Variants in PEX5L observed in about 807,000 individuals in gnomAD.
The protein encoded by PEX5L is PEX5-related protein.
In PEX5L, 30 loss-of-function variants were observed where a neutral mutation model predicts 84.0. The ratio of observed to expected loss-of-function variants is 0.36; its 90% CI spans 0.27 to 0.48. The LOEUF (loss-of-function observed/expected upper bound fraction) is 0.48, where lower values mean the gene tolerates loss of function less well. PEX5L is among the 20% of genes least tolerant of loss of function. The pLI, the probability that PEX5L is intolerant of heterozygous loss-of-function variation, is 0.99. For missense variants in PEX5L, 533 were observed against 754.6 expected, an observed-to-expected ratio of 0.71 and a Z score of 3.44; for synonymous variants, 270 against 283.1, an observed-to-expected ratio of 0.95 and a Z score of 0.46.
intron 8 of PEX5L, among the ~76,000 whole-genome samples, chr3:179,832,070 C>T (rs936988132): frequency 2.0e-5 from 3 of 152,046 alleles, no homozygotes; most frequent in Non-Finnish European, 4.4e-5. Flanking sequence ...AAGACAGCAA[C>T]ATGTTTATAA....
intron 1 of PEX5L, chr3:179,973,131 C>A: frequency 8.2e-7 from 1 of 1,226,252 alleles, no homozygotes; most frequent in East Asian, 6.5e-5. Context: ...TTAGAAGTGC[C>A]TTTCCAAATA....
chr3:179,985,770 T>A (rs1398707679), intron 1 of PEX5L, among the ~76,000 whole-genome samples: 1 of 152,040 alleles, frequency 6.6e-6, no homozygotes, highest in Non-Finnish European at 1.5e-5. Context: ...TCCAGATGGA[T>A]CTTGATTAAT....
At chr3:180,030,132 T>A (rs1285573308) in intron 1 of PEX5L, among the ~76,000 whole-genome samples, 1 of 152,174 alleles carries the variant, frequency 6.6e-6, no homozygotes, top group Non-Finnish European at 1.5e-5. Context: ...AATGTTGGAT[T>A]TTGCTGGTCA....
At chr3:179,886,403 T>TA (rs11425640) in intron 4 of PEX5L, among the ~76,000 whole-genome samples, 2,401 of 152,320 alleles carry the variant, frequency 0.016, 73 homozygotes, top group African/African-American at 0.055. Flanking sequence ...TGGTGTGATA[T>TA]AAAAAAGTCA....
rs1468094851 is a variant in PEX5L, at chr3:179,936,594, CT to C, written c.93+34999del. Among the ~76,000 whole-genome samples, 8 of 36,624 alleles carry C rather than the reference CT, an allele frequency of 2.2e-4. 2 individuals are homozygous for C. Among genetic ancestry groups the C allele is most frequent in the Admixed American group, 1.8e-3 (8 of 4,462 alleles). The allele number at this position is 36,624 out of a possible 152,430, so 24.0% of individuals were successfully genotyped here. Reference sequence around the variant, plus strand: ...TGCCCTGTTAACTTTCCAGATAAACCTTCAATTTGTAAAGGAAGCTGAGTTC... The same window carrying C: ...TGCCCTGTTAACTTTCCAGATAAACCTCAATTTGTAAAGGAAGCTGAGTTC... On this transcript the variant is annotated intron_variant, in intron 2 of 14. Coordinates refer to ENST00000467460, the MANE Select transcript of PEX5L (RefSeq NM_016559.3).
chr3:179,922,451 CTTTTTTTTTTT>C (rs35332742), intron 2 of PEX5L, among the ~76,000 whole-genome samples: 1 of 134,052 alleles, frequency 7.5e-6, no homozygotes, highest in African/African-American at 2.7e-5. Context: ...CTTTTCTTTT[CTTTTTTTTTTT>C]TTTTTTGAAG....
intron 7 of PEX5L, among the ~76,000 whole-genome samples, chr3:179,873,276 T>C (rs371445248): frequency 6.6e-6 from 1 of 152,216 alleles, no homozygotes; most frequent in African/African-American, 2.4e-5. Context: ...CTTATAGCAC[T>C]CAGTAATATC....
chr3:179,927,222 G>A (rs940159760), intron 2 of PEX5L, among the ~76,000 whole-genome samples: 3 of 152,148 alleles, frequency 2.0e-5, no homozygotes, highest in African/African-American at 2.4e-5. Context: ...ATGGTGAAAC[G>A]TGTGATAAAG....
chr3:179,848,868 G>A (rs1200051088), intron 8 of PEX5L, among the ~76,000 whole-genome samples: 2 of 152,286 alleles, frequency 1.3e-5, no homozygotes, highest in South Asian at 2.1e-4. Flanking sequence ...GAGGAGATGA[G>A]ATCTGAGTCA....
chr3:179,971,123 A>AT (rs1429839029), intron 2 of PEX5L, among the ~76,000 whole-genome samples: 1 of 152,122 alleles, frequency 6.6e-6, no homozygotes, highest in East Asian at 1.9e-4. Context: ...TCATCTTTAT[A>AT]TATATTGCAG....
intron 1 of PEX5L, among the ~76,000 whole-genome samples, chr3:179,978,060 A>T (rs1361106967): frequency 6.6e-6 from 1 of 152,240 alleles, no homozygotes; most frequent in Non-Finnish European, 1.5e-5. Context: ...CTGTTTTGCC[A>T]TATGCATGAG....
chr3:179,832,556 T>C (rs1413606462), intron 8 of PEX5L, among the ~76,000 whole-genome samples: 323 of 44,590 alleles, frequency 7.2e-3, no homozygotes, highest in Admixed American at 0.012. Context: ...ACACACCTAC[T>C]CACCTACCTA....
At chr3:179,970,873 G>T (rs1363484412) in intron 2 of PEX5L, among the ~76,000 whole-genome samples, 1 of 152,076 alleles carries the variant, frequency 6.6e-6, no homozygotes, top group East Asian at 1.9e-4. Context: ...TGCCACCCAG[G>T]CATTAAATAA....
chr3:180,011,457 G>GA (rs1486114678), intron 1 of PEX5L, among the ~76,000 whole-genome samples: 2 of 152,160 alleles, frequency 1.3e-5, no homozygotes, highest in African/African-American at 4.8e-5. Context: ...AGAAGACTGA[G>GA]AAAATGCATG....
chr3:179,910,987 A>G (rs924208958), intron 2 of PEX5L, among the ~76,000 whole-genome samples: 3 of 152,148 alleles, frequency 2.0e-5, no homozygotes, highest in African/African-American at 7.2e-5. Flanking sequence ...AAACCCTCTC[A>G]ATTCTCTTCC....
At chr3:179,883,176 C>G (rs6785275) in intron 4 of PEX5L, among the ~76,000 whole-genome samples, 4,695 of 151,752 alleles carry the variant, frequency 0.031, 243 homozygotes, top group African/African-American at 0.11. Context: ...TAGTGTAGAT[C>G]TAATAAAATA....
At position 179,874,134 on chromosome 3, in the gene PEX5L, T is replaced by C. The variant is rs545105991; in HGVS notation, c.726+193A>G. Among the ~76,000 whole-genome samples, 491 of 125,380 alleles carry C rather than the reference T, an allele frequency of 3.9e-3. 4 individuals carry two copies. The highest frequency in any genetic ancestry group is 9.8e-3 in the South Asian group (40 of 4,098). 82.3% of individuals were successfully genotyped at this position (125,380 alleles called of 152,430 possible). A position where few individuals can be genotyped will look rare whatever the true frequency, so the allele number is the denominator to read the frequency against. The stretch of plus-strand genomic sequence containing the variant: ...TTCCAGCCAAATGTGTAGATATACA[T>C]ATATATATATATATACACACACACC... On this transcript the variant is annotated intron_variant, in intron 7 of 14. Transcript: ENST00000467460.
In PEX5L at chr3:179,794,958, T is replaced by G. The variant is rs1716335305; in HGVS notation, c.*6870A>C. The G allele has an allele frequency of 6.6e-6, 1 of 152,172 alleles. No individual in the cohort carries two copies. The highest frequency in any genetic ancestry group is 1.5e-5 in the Non-Finnish European group (1 of 68,040). 9.4% of individuals were successfully genotyped at this position (152,172 alleles called of 1,614,324 possible). On this transcript the variant is annotated 3_prime_UTR_variant, in exon 15 of 15. Transcript: ENST00000467460. ...AAACCAAAAGACCCTAAAACTGAAA[T>G]TTATTTTAATATTTTTATTCTAAAA... is the stretch of plus-strand genomic sequence containing the variant.
At chr3:179,995,228 G>T (rs1402853439) in intron 1 of PEX5L, among the ~76,000 whole-genome samples, 1 of 147,258 alleles carries the variant, frequency 6.8e-6, no homozygotes. Context: ...TATCTACATA[G>T]TGTGTATATA....
Sources: gnomAD v4.1 joint callset for allele counts (sites outside exome capture counted in the v4.1 genomes callset) on GRCh38, gnomAD v4.1.1 for gene constraint, MANE v1.5 for transcripts, NCBI Gene and HGNC (gene_info 2026-07-23, HGNC 2026-07-21) for gene names.